The following FAM149A variants were observed in gnomAD, a reference collection of about 807,000 sequenced individuals.
The protein encoded by FAM149A is family with sequence similarity 149 member A.
In FAM149A, 71 loss-of-function variants were observed where a neutral mutation model predicts 78.2. That is an observed-to-expected ratio of 0.91 (90% confidence interval 0.75 to 1.11). The LOEUF (loss-of-function observed/expected upper bound fraction) is 1.11. FAM149A is among the 50% of genes least tolerant of loss of function. FAM149A has a pLI of 0.00. For synonymous variants in FAM149A, 446 were observed against 410.5 expected (o/e 1.09, Z -1.04); for missense variants, 1,036 against 971.0 (o/e 1.07, Z -0.89).
chr4:186,132,856 A>G (rs2099321282), intron 1 of FAM149A: 1 of 482,298 alleles, frequency 2.1e-6, no homozygotes, highest in Non-Finnish European at 2.7e-6. Flanking sequence ...TCCTTTTGGC[A>G]TCCTGAACTG....
At chr4:186,165,194 C>A in intron 10 of FAM149A, 150 bp from the exon 11 acceptor site, 1 of 758,336 alleles carries the variant, frequency 1.3e-6, no homozygotes, top group Non-Finnish European at 2.2e-6. Flanking sequence ...CCCTGGGGAG[C>A]ATCCGGATAA....
intron 9 of FAM149A, 72 bp downstream of exon 9, chr4:186,163,020 C>A: frequency 1.1e-6 from 1 of 884,786 alleles, no homozygotes; most frequent in Non-Finnish European, 1.9e-6. Context: ...CTGAAGACTG[C>A]AGGGGACATG....
intron 1 of FAM149A, chr4:186,110,052 C>T: frequency 2.0e-6 from 2 of 985,398 alleles, no homozygotes; most frequent in Non-Finnish European, 2.4e-6. Context: ...CACTGAAACC[C>T]TGTGATTTAT....
At chr4:186,163,753 C>T (rs1458612993) in intron 10 of FAM149A, 120 bp downstream of exon 10, 1 of 728,296 alleles carries the variant, frequency 1.4e-6, no homozygotes, top group Non-Finnish European at 2.4e-6. Flanking sequence ...AGATGCTTTT[C>T]TAATGAGTTC....
intron 6 of FAM149A, 68 bp downstream of exon 6, chr4:186,154,706 C>A: frequency 2.0e-6 from 3 of 1,487,438 alleles, no homozygotes; most frequent in Middle Eastern, 4.6e-4. Context: ...TTATTGTTAT[C>A]GTATGCTCAT....
At chr4:186,159,282 G>A (rs950864164) in intron 8 of FAM149A, among the ~76,000 whole-genome samples, 3 of 152,070 alleles carry the variant, frequency 2.0e-5, no homozygotes, top group Admixed American at 6.6e-5. Context: ...CCTTGTAGAA[G>A]AATCAAAGAG....
chr4:186,130,648 C>T (rs1039962353), intron 1 of FAM149A, among the ~76,000 whole-genome samples: 4 of 151,832 alleles, frequency 2.6e-5, no homozygotes, highest in South Asian at 4.2e-4. Context: ...CATGAGCCAC[C>T]GTGCCTGGCC....
intron 1 of FAM149A, chr4:186,117,725 G>A: frequency 1.1e-6 from 1 of 930,070 alleles, no homozygotes; most frequent in South Asian, 4.9e-5. Flanking sequence ...CAGGATTTAG[G>A]TAGAGAAGTG....
chr4:186,160,526 C>T (rs542163417), intron 8 of FAM149A, among the ~76,000 whole-genome samples: 1 of 150,086 alleles, frequency 6.7e-6, no homozygotes, highest in South Asian at 2.1e-4. Flanking sequence ...CATACACACA[C>T]ACTACACACC....
At chr4:186,127,840 C>G (rs558111329) in intron 1 of FAM149A, 157 of 190,374 alleles carry the variant, frequency 8.2e-4, no homozygotes, top group African/African-American at 3.7e-3. Flanking sequence ...CCTGAGCCAC[C>G]ATTCCCAGCT....
At chr4:186,131,797 C>G (rs2099320848) in intron 1 of FAM149A, 1 of 649,060 alleles carries the variant, frequency 1.5e-6, no homozygotes, top group South Asian at 6.8e-5. Flanking sequence ...AGGTAAGGAC[C>G]TCTGCTAACA....
chr4:186,163,060 CT>C, intron 9 of FAM149A, 112 bp downstream of exon 9: 5 of 702,302 alleles, frequency 7.1e-6, no homozygotes, highest in African/African-American at 1.8e-5. Flanking sequence ...TAATCCCGTG[CT>C]TCAGATGTGC....
intron 1 of FAM149A, among the ~76,000 whole-genome samples, chr4:186,124,435 C>A (rs2099317427): frequency 6.6e-6 from 1 of 151,108 alleles, no homozygotes. Flanking sequence ...CACAACAGGC[C>A]CCGGTGTGTG....
intron 1 of FAM149A, among the ~76,000 whole-genome samples, chr4:186,119,775 T>G (rs1191061552): frequency 1.3e-5 from 2 of 152,174 alleles, no homozygotes; most frequent in Non-Finnish European, 1.5e-5. Flanking sequence ...GGGGATGTAT[T>G]GTAAAATGCA....
In FAM149A at chr4:186,155,011, A is replaced by G. The variant is rs182943583; in HGVS notation, c.1229+373A>G. On this transcript the variant is annotated intron_variant, in intron 6 of 13. Coordinates refer to ENST00000389354, the MANE Select transcript of FAM149A (RefSeq NM_001367768.3). ...GGAGTCTCGCTCTGTCGCCCAGGCT[A>G]GAGTGCAGCCGTGCGAGCTCGGCTG... 2.9e-3 allele frequency: 2,617 copies of G among 905,518 alleles called. 11 individuals carry two copies. The highest frequency in any genetic ancestry group is 3.9e-3 in the Middle Eastern group (7 of 1,778). 56.1% of individuals were successfully genotyped at this position (905,518 alleles called of 1,614,324 possible). A position where few individuals can be genotyped will look rare whatever the true frequency, so the allele number is the denominator to read the frequency against.
chr4:186,105,932 T>TA (rs1235682406), intron 1 of FAM149A, among the ~76,000 whole-genome samples: 2 of 152,212 alleles, frequency 1.3e-5, no homozygotes, highest in East Asian at 3.9e-4. Context: ...CATTGCTACT[T>TA]AGAGTGTTTG....
intron 3 of FAM149A, chr4:186,151,626 A>G: frequency 1.7e-6 from 1 of 578,998 alleles, no homozygotes; most frequent in Non-Finnish European, 2.2e-6. Context: ...ACGTCCATCT[A>G]TACCTCTATC....
At chr4:186,143,065 AAG>A (rs2099326515) in intron 1 of FAM149A, among the ~76,000 whole-genome samples, 1 of 151,196 alleles carries the variant, frequency 6.6e-6, no homozygotes, top group African/African-American at 2.5e-5. Flanking sequence ...AAATATATGT[AAG>A]AATATATGTA....
chr4:186,158,678 C>T, intron 8 of FAM149A: 2 of 1,090,666 alleles, frequency 1.8e-6, no homozygotes, highest in South Asian at 2.6e-5. Context: ...CCTGCACGCA[C>T]TGCTGCTCAG....
Sources: allele counts gnomAD v4.1 joint callset (sites outside exome capture counted in the v4.1 genomes callset), GRCh38; gene constraint gnomAD v4.1.1; transcripts MANE v1.5; gene names NCBI Gene and HGNC (gene_info 2026-07-23, HGNC 2026-07-21).